The following PHTF2 variants were observed in gnomAD, a reference collection of about 807,000 sequenced individuals.
The protein encoded by PHTF2 is putative homeodomain transcription factor 2, also known as protein PHTF2.
A neutral mutation model predicts 101.2 loss-of-function variants in PHTF2; 60 were observed. The observed-to-expected ratio is 0.59, with a 90% CI of 0.48 to 0.73. The LOEUF is 0.73. PHTF2 is among the 30% of genes least tolerant of loss of function. The pLI is 0.00. For synonymous variants in PHTF2, 311 were observed against 307.3 expected (o/e 1.01, Z -0.13); for missense variants, 747 against 908.7 (o/e 0.82, Z 2.29).
intron 1 of PHTF2, among the ~76,000 whole-genome samples, chr7:77,800,350 A>G (rs1355741941): frequency 6.6e-6 from 1 of 152,172 alleles, no homozygotes; most frequent in Non-Finnish European, 1.5e-5. Context: ...TGGTTCCAGG[A>G]AATATTTTTG....
intron 17 of PHTF2, among the ~76,000 whole-genome samples, chr7:77,950,536 C>T (rs1235637921): frequency 6.6e-6 from 1 of 152,142 alleles, no homozygotes; most frequent in South Asian, 2.1e-4. Context: ...TGGTGCGTGC[C>T]TGTAATCCCA....
chr7:77,827,902 C>G (rs1214124677), intron 1 of PHTF2, among the ~76,000 whole-genome samples: 1 of 152,088 alleles, frequency 6.6e-6, no homozygotes, highest in Non-Finnish European at 1.5e-5. Flanking sequence ...ACTTAGCCTC[C>G]CAAAGTGCTG....
chr7:77,937,777 G>A, exon 13 of PHTF2: 2 of 1,530,364 alleles, frequency 1.3e-6, no homozygotes, highest in African/African-American at 1.4e-5. Flanking sequence ...GTATGGGAAG[G>A]TAATGATTGT....
intron 3 of PHTF2, among the ~76,000 whole-genome samples, chr7:77,881,113 G>T (rs1345156470): frequency 6.6e-6 from 1 of 151,940 alleles, no homozygotes; most frequent in Non-Finnish European, 1.5e-5. Flanking sequence ...TCTAATGACT[G>T]CCTCCTGTTT....
intron 3 of PHTF2, among the ~76,000 whole-genome samples, chr7:77,863,971 A>C (rs1438137403): frequency 6.6e-6 from 1 of 151,874 alleles, no homozygotes; most frequent in Non-Finnish European, 1.5e-5. Flanking sequence ...GTAGGGATGG[A>C]GTTTCTCCAT....
At chr7:77,895,593 A>T (rs1346401681) in intron 5 of PHTF2, among the ~76,000 whole-genome samples, 2 of 152,168 alleles carry the variant, frequency 1.3e-5, no homozygotes, top group Non-Finnish European at 2.9e-5. Context: ...CAGAAAAAAT[A>T]TATATAAATA....
chr7:77,865,059 T>C (rs1196136654), intron 3 of PHTF2, among the ~76,000 whole-genome samples: 2 of 152,084 alleles, frequency 1.3e-5, no homozygotes, highest in Non-Finnish European at 2.9e-5. Context: ...TAGTATTCAC[T>C]GAGGAAAAAA....
intron 9 of PHTF2, among the ~76,000 whole-genome samples, chr7:77,914,295 G>A (rs1217146550): frequency 6.6e-6 from 1 of 152,086 alleles, no homozygotes; most frequent in African/African-American, 2.4e-5. Flanking sequence ...TTCACATTTC[G>A]ATTGGGTCTT....
Position 77,843,957 on chromosome 7 carries a change from C to T in PHTF2, c.45+3657C>T, listed in dbSNP as rs561754476. On this transcript the variant is annotated intron_variant, in intron 2 of 19. Transcript: ENST00000416283. ...TATCCTTGTAAATAAAAACCAAAAA[C>T]ATTTATCTTCATTTTCTTGAATATT... Among the ~76,000 whole-genome samples the T allele has an allele frequency of 3.3e-5, 5 of 152,200 alleles. No individual in the cohort carries two copies. The East Asian group carries it at 7.7e-4, about 23-fold the overall frequency.
chr7:77,948,727 A>G (rs12530716), intron 16 of PHTF2, among the ~76,000 whole-genome samples: 3,358 of 152,298 alleles, frequency 0.022, 53 homozygotes, highest in Middle Eastern at 0.068. Flanking sequence ...AAATTAAGGC[A>G]ATGAGAGAAC....
chr7:77,939,782 C>A, intron 13 of PHTF2, among the ~76,000 whole-genome samples: 1 of 151,776 alleles, frequency 6.6e-6, no homozygotes, highest in Admixed American at 6.6e-5. Flanking sequence ...AAATTTTTTT[C>A]AAGATCTGGA....
intron 9 of PHTF2, among the ~76,000 whole-genome samples, chr7:77,910,859 G>A (rs549845632): frequency 1.3e-5 from 2 of 152,040 alleles, no homozygotes; most frequent in Non-Finnish European, 1.5e-5. Flanking sequence ...GCCAGACCTC[G>A]GCCTCCTAAA....
chr7:77,873,359 C>T (rs1437431461), intron 3 of PHTF2, among the ~76,000 whole-genome samples: 2 of 152,220 alleles, frequency 1.3e-5, no homozygotes, highest in Non-Finnish European at 2.9e-5. Context: ...AACATCCATT[C>T]CCATGCCTGT....
At chr7:77,900,515 A>G in intron 5 of PHTF2, 196 bp from the exon 5 acceptor site, 1 of 526,858 alleles carries the variant, frequency 1.9e-6, no homozygotes, top group Non-Finnish European at 3.4e-6. Flanking sequence ...ACATCTCTAA[A>G]TATATCTTTT....
At chr7:77,824,356 A>G (rs1004339021) in intron 1 of PHTF2, among the ~76,000 whole-genome samples, 3 of 152,146 alleles carry the variant, frequency 2.0e-5, no homozygotes, top group African/African-American at 4.8e-5. Context: ...GTTTATAAAA[A>G]GAATTGAAAC....
At chr7:77,945,209 G>A (rs767574269) in intron 16 of PHTF2, among the ~76,000 whole-genome samples, 4 of 152,084 alleles carry the variant, frequency 2.6e-5, no homozygotes, top group Non-Finnish European at 4.4e-5. Context: ...ATGGTGGCTC[G>A]CGCCTGTAAT....
At chr7:77,876,781 C>T (rs1798976440) in intron 3 of PHTF2, among the ~76,000 whole-genome samples, 1 of 152,266 alleles carries the variant, frequency 6.6e-6, no homozygotes, top group South Asian at 2.1e-4. Context: ...TGGTACACAC[C>T]TGCAGTTGCA....
intron 1 of PHTF2, among the ~76,000 whole-genome samples, chr7:77,814,513 ATTTTT>A (rs771740540): frequency 7.4e-6 from 1 of 134,906 alleles, no homozygotes. Context: ...CTTGGGGGGC[ATTTTT>A]TTTTTTTTTT....
intron 14 of PHTF2, 94 bp downstream of exon 13, chr7:77,940,396 T>A: frequency 7.8e-7 from 1 of 1,290,078 alleles, no homozygotes; most frequent in Admixed American, 2.4e-5. Context: ...ATTATATCAT[T>A]TTTACCTAAT....
Sources: allele counts gnomAD v4.1 joint callset (sites outside exome capture counted in the v4.1 genomes callset), GRCh38; gene constraint gnomAD v4.1.1; transcripts MANE v1.5; gene names NCBI Gene and HGNC (gene_info 2026-07-23, HGNC 2026-07-21).